The following PLD5 variants were observed in gnomAD, a reference collection of about 807,000 sequenced individuals.
PLD5 encodes phospholipase D family member 5.
A neutral mutation model predicts 61.1 loss-of-function variants in PLD5; 36 were observed. The observed-to-expected ratio is 0.59, with a 90% CI of 0.45 to 0.78. PLD5 has a LOEUF of 0.78. PLD5 is among the 30% of genes least tolerant of loss of function. The pLI is 0.00. For missense variants in PLD5, 515 were observed against 644.4 expected (o/e 0.80, Z 2.17); for synonymous variants, 243 against 242.8 (o/e 1.00, Z -0.01).
At chr1:242,357,309 T>G (rs1019013076) in intron 1 of PLD5, among the ~76,000 whole-genome samples, 4 of 150,588 alleles carry the variant, frequency 2.7e-5, no homozygotes, top group Admixed American at 2.0e-4. Context: ...GTATTGAGAC[T>G]TCTTTGTAGG....
At chr1:242,385,739 G>A (rs998792516) in intron 1 of PLD5, among the ~76,000 whole-genome samples, 1 of 152,190 alleles carries the variant, frequency 6.6e-6, no homozygotes, top group African/African-American at 2.4e-5. Context: ...CTGAGATGAT[G>A]AGGGAAAGCT....
intron 1 of PLD5, among the ~76,000 whole-genome samples, chr1:242,435,107 G>T (rs539342397): frequency 6.6e-6 from 1 of 151,882 alleles, no homozygotes; most frequent in African/African-American, 2.4e-5. Flanking sequence ...GAAGATAACT[G>T]CTTTGACAAA....
Position 242,256,111 on chromosome 1 carries a change from T to G in PLD5, c.607+9226A>C, listed in dbSNP as rs988345400. On this transcript the variant is annotated intron_variant, in intron 4 of 9. Transcript: ENST00000536534. The surrounding 1 kb of genome is among the most constrained non-coding windows in gnomAD (Gnocchi z 5.7). ...GCTATATAGTGCTAATGAGGGAAAG[T>G]TGGGGTCACTTTTAAACTGGGTGTC... Among the ~76,000 whole-genome samples, 1 of 152,056 alleles carries G rather than the reference T, an allele frequency of 6.6e-6. No individual in the cohort carries two copies. Among genetic ancestry groups the G allele is most frequent in the Admixed American group, 6.6e-5 (1 of 15,264 alleles).
intron 1 of PLD5, among the ~76,000 whole-genome samples, chr1:242,457,059 TG>T (rs1157626709): frequency 6.6e-6 from 1 of 152,212 alleles, no homozygotes; most frequent in African/African-American, 2.4e-5. Flanking sequence ...AGGGGGTCTC[TG>T]GGCTCCCTGT....
chr1:242,394,451 TGA>T (rs1178343879), intron 1 of PLD5, among the ~76,000 whole-genome samples: 1 of 99,950 alleles, frequency 1.0e-5, no homozygotes, highest in African/African-American at 4.6e-5. Flanking sequence ...TGTGTGTATA[TGA>T]GTATATATGT....
intron 5 of PLD5, among the ~76,000 whole-genome samples, chr1:242,218,101 A>G (rs561494047): frequency 6.6e-6 from 1 of 152,198 alleles, no homozygotes; most frequent in African/African-American, 2.4e-5. Context: ...GATGTGGCCA[A>G]CTCCATTGCT....
In PLD5 at chr1:242,108,307, C is replaced by T. The variant is rs576266014; in HGVS notation, c.1071-468G>A. Among the ~76,000 whole-genome samples, 11 of 152,314 alleles carry T rather than the reference C, an allele frequency of 7.2e-5. No individual in the cohort carries two copies. The South Asian group carries it at 1.2e-3, about 17-fold the overall frequency. On this transcript the variant is annotated intron_variant, in intron 7 of 9. Transcript: ENST00000536534. ...TCTGAGCTTCCCCACACTTCCTTTT[C>T]CCGACTGTCTTACCGTGGTGTCTCC...
At chr1:242,515,071 C>T (rs1266503210) in intron 1 of PLD5, among the ~76,000 whole-genome samples, 1 of 152,142 alleles carries the variant, frequency 6.6e-6, no homozygotes, top group East Asian at 1.9e-4. Context: ...TACTTCGTAA[C>T]CAACACCTAA....
intron 2 of PLD5, among the ~76,000 whole-genome samples, chr1:242,293,224 T>C (rs1473639770): frequency 6.6e-6 from 1 of 152,140 alleles, no homozygotes; most frequent in Admixed American, 6.6e-5. Flanking sequence ...CAAGAGAAGA[T>C]GACAAAGAAG....
intron 4 of PLD5, among the ~76,000 whole-genome samples, chr1:242,243,485 G>A (rs1052809957): frequency 2.0e-5 from 3 of 152,206 alleles, no homozygotes; most frequent in African/African-American, 7.2e-5. Flanking sequence ...TTTACTACCA[G>A]AGGAGACCAT....
intron 1 of PLD5, among the ~76,000 whole-genome samples, chr1:242,420,130 C>A (rs1665058447): frequency 6.6e-6 from 1 of 152,152 alleles, no homozygotes; most frequent in African/African-American, 2.4e-5. Context: ...TTACAATGAG[C>A]CAGGCACCAT....
Position 242,297,928 on chromosome 1 carries a change from C to T in PLD5, c.327-9398G>A, listed in dbSNP as rs1675804453. Among the ~76,000 whole-genome samples, 3 of 152,256 alleles carry T rather than the reference C, an allele frequency of 2.0e-5. No homozygotes were observed. The South Asian group carries it at 6.2e-4, about 32-fold the overall frequency. On this transcript the variant is annotated intron_variant, in intron 2 of 9. Coordinates refer to ENST00000536534, the MANE Select transcript of PLD5 (RefSeq NM_001372062.1). The stretch of plus-strand genomic sequence containing the variant: ...TGCTGGGATTACAGGCGTGAGCCAC[C>T]GCGCCCGGCCCGGATTCATGTTTCT...
At chr1:242,463,380 A>G (rs1053769309) in intron 1 of PLD5, among the ~76,000 whole-genome samples, 19 of 152,328 alleles carry the variant, frequency 1.2e-4, no homozygotes, top group African/African-American at 4.3e-4. Context: ...GCCCAGCAAG[A>G]CTAGGGAAAA....
intron 4 of PLD5, among the ~76,000 whole-genome samples, chr1:242,243,637 G>A (rs1397585601): frequency 6.6e-6 from 1 of 152,132 alleles, no homozygotes; most frequent in African/African-American, 2.4e-5. Context: ...CCTTTGGAAG[G>A]GACAATAGAA....
At chr1:242,251,567 C>T (rs1394094849) in intron 4 of PLD5, among the ~76,000 whole-genome samples, 2 of 152,024 alleles carry the variant, frequency 1.3e-5, no homozygotes, top group Non-Finnish European at 2.9e-5. Context: ...GCCGGGCTGC[C>T]GCAGTTGGAG....
intron 1 of PLD5, among the ~76,000 whole-genome samples, chr1:242,517,224 G>A (rs373540313): frequency 2.7e-4 from 40 of 149,360 alleles, no homozygotes; most frequent in East Asian, 7.7e-4. Context: ...TACTACTTCC[G>A]TACAATGCCA....
At chr1:242,132,201 G>GGGGGT (rs1553305621) in intron 5 of PLD5, among the ~76,000 whole-genome samples, 1 of 85,884 alleles carries the variant, frequency 1.2e-5, no homozygotes, top group African/African-American at 4.3e-5. Context: ...GCGGGGGGGG[G>GGGGGT]GGGGGGCGGA....
rs140202162 is a variant in PLD5, at chr1:242,507,574, T to A, written c.189+16514A>T. Among the ~76,000 whole-genome samples, 5 of 152,362 alleles carry A rather than the reference T, an allele frequency of 3.3e-5. No homozygotes were observed. The East Asian group carries it at 9.6e-4, about 29-fold the overall frequency. ...CCTGAGCTATAGAATTAAATGTTAA[T>A]GAATGGATAAATCAATCGACCAAAT... On this transcript the variant is annotated intron_variant, in intron 1 of 9. Coordinates refer to ENST00000536534, the MANE Select transcript of PLD5 (RefSeq NM_001372062.1).
intron 9 of PLD5, 34 bp from the exon 10 acceptor site, chr1:242,090,144 T>TA (rs1372547596): frequency 2.5e-6 from 4 of 1,611,062 alleles, no homozygotes; most frequent in Non-Finnish European, 2.5e-6. Flanking sequence ...GTTGAGGAGT[T>TA]AGAGTCCACT....
Sources: gnomAD v4.1 joint callset for allele counts (sites outside exome capture counted in the v4.1 genomes callset) on GRCh38, gnomAD v4.1.1 for gene constraint, Gnocchi (gnomAD v3.1) non-coding constraint, MANE v1.5 for transcripts, NCBI Gene and HGNC (gene_info 2026-07-23, HGNC 2026-07-21) for gene names.